The following CHRM3 variants were observed in gnomAD, a reference collection of about 807,000 sequenced individuals.
CHRM3 encodes the protein muscarinic acetylcholine receptor M3.
CHRM3 carries 11 observed loss-of-function variants against 41.8 expected under a neutral mutation model. That is an observed-to-expected ratio of 0.26 (90% CI 0.17 to 0.44). The LOEUF is 0.44. Among genes scored for constraint, CHRM3 ranks in the 20% least tolerant of loss-of-function variants. The pLI is 1.00. For synonymous variants in CHRM3, 297 were observed against 301.4 expected, an observed-to-expected ratio of 0.99 and a Z score of 0.15; for missense variants, 571 against 745.4, an observed-to-expected ratio of 0.77 and a Z score of 2.72.
intron 5 of CHRM3, among the ~76,000 whole-genome samples, chr1:239,687,666 T>C (rs1659276607): frequency 6.6e-6 from 1 of 152,138 alleles, no homozygotes. Context: ...TGCTGCATAA[T>C]GATGCTTCAG....
At chr1:239,454,213 C>T (rs1664761929) in intron 1 of CHRM3, among the ~76,000 whole-genome samples, 1 of 152,166 alleles carries the variant, frequency 6.6e-6, no homozygotes, top group Non-Finnish European at 1.5e-5. Flanking sequence ...CAAGTCTGAG[C>T]TTCTGGAGCT....
chr1:239,840,802 C>G (rs542471777), intron 6 of CHRM3, among the ~76,000 whole-genome samples: 7 of 152,278 alleles, frequency 4.6e-5, no homozygotes, highest in African/African-American at 1.7e-4. Flanking sequence ...GGTGTTTTCT[C>G]TCCAGAATTT....
intron 4 of CHRM3, among the ~76,000 whole-genome samples, chr1:239,639,774 GC>G (rs1670897259): frequency 2.0e-5 from 3 of 149,514 alleles, no homozygotes; most frequent in African/African-American, 7.4e-5. Flanking sequence ...CTGCCTAATT[GC>G]CCTGGCCAGA....
chr1:239,584,438 A>G (rs982546121), intron 3 of CHRM3, among the ~76,000 whole-genome samples: 8 of 152,322 alleles, frequency 5.3e-5, no homozygotes, highest in African/African-American at 1.4e-4. Flanking sequence ...CGGCTGAGAT[A>G]GAAAACAAAG....
At chr1:239,580,702 T>TATATATATATATAC (rs1366394441) in intron 3 of CHRM3, among the ~76,000 whole-genome samples, 2 of 125,792 alleles carry the variant, frequency 1.6e-5, no homozygotes, top group South Asian at 4.9e-4. Context: ...TATATATATA[T>TATATATATATATAC]ATACACACAC....
At chr1:239,834,348 T>C (rs531721894) in intron 6 of CHRM3, among the ~76,000 whole-genome samples, 1 of 131,524 alleles carries the variant, frequency 7.6e-6, no homozygotes, top group East Asian at 2.3e-4. Context: ...AGTCTCACCC[T>C]GTCCCCCAGG....
Position 239,908,450 on chromosome 1 carries a change from C to T in CHRM3, c.999C>T (p.Ser333=), listed in dbSNP as rs1680139875. ...SSEQMDQDHS[S]SDSWNNNDAA... is the part of the protein sequence containing the mutation. The stretch of plus-strand genomic sequence containing the variant: ...AGCAGATGGACCAAGACCACAGCAG[C>T]AGTGACAGTTGGAACAACAATGATG... Residue 333 remains serine (S), a synonymous_variant, in exon 7 of 7, where the codon AGC becomes AGT. Transcript: ENST00000676153. The surrounding 1 kb of genome is among the most constrained non-coding windows in gnomAD (Gnocchi z 7.2). The T allele has an allele frequency of 6.2e-7, 1 of 1,613,618 alleles. No individual in the cohort carries two copies. Among genetic ancestry groups the T allele is most frequent in the Non-Finnish European group, 8.5e-7 (1 of 1,179,850 alleles).
intron 5 of CHRM3, among the ~76,000 whole-genome samples, chr1:239,810,337 A>G (rs1671021468): frequency 6.6e-6 from 1 of 152,174 alleles, no homozygotes; most frequent in Admixed American, 6.5e-5. Context: ...AGAAAGAGCC[A>G]CAGACATAAG....
chr1:239,897,802 A>C (rs1679135038), intron 6 of CHRM3, among the ~76,000 whole-genome samples: 1 of 152,228 alleles, frequency 6.6e-6, no homozygotes, highest in Non-Finnish European at 1.5e-5. Flanking sequence ...TGCTAATGCA[A>C]GGAAACATCA....
At chr1:239,527,867 C>G (rs1357304276) in intron 2 of CHRM3, among the ~76,000 whole-genome samples, 1 of 152,150 alleles carries the variant, frequency 6.6e-6, no homozygotes, top group Non-Finnish European at 1.5e-5. Flanking sequence ...ATTTTAAAAG[C>G]TATTAACTGT....
chr1:239,540,469 A>G (rs1290373431), intron 2 of CHRM3, among the ~76,000 whole-genome samples: 1 of 152,216 alleles, frequency 6.6e-6, no homozygotes, highest in Non-Finnish European at 1.5e-5. Context: ...TACTAAAACA[A>G]CAGTAATTTA....
At chr1:239,482,024 T>C (rs1253095432) in intron 1 of CHRM3, among the ~76,000 whole-genome samples, 1 of 152,200 alleles carries the variant, frequency 6.6e-6, no homozygotes, top group Non-Finnish European at 1.5e-5. Context: ...TGGAAGCATG[T>C]TTCGAAGACA....
intron 5 of CHRM3, among the ~76,000 whole-genome samples, chr1:239,785,530 A>G (rs948050185): frequency 3.3e-5 from 5 of 152,126 alleles, no homozygotes; most frequent in African/African-American, 1.2e-4. Flanking sequence ...CTACAGTCTC[A>G]TTGACTTCTC....
intron 3 of CHRM3, among the ~76,000 whole-genome samples, chr1:239,565,106 C>T (rs987985417): frequency 6.6e-6 from 1 of 152,134 alleles, no homozygotes; most frequent in Non-Finnish European, 1.5e-5. Context: ...GGTCAGATCT[C>T]CCTCTTATGA....
intron 2 of CHRM3, among the ~76,000 whole-genome samples, chr1:239,497,785 T>G (rs1264919104): frequency 1.3e-5 from 2 of 152,108 alleles, no homozygotes; most frequent in African/African-American, 4.8e-5. Context: ...GAAAATTATT[T>G]AAAACAATTA....
rs189945283 is a variant in CHRM3 at position 239,813,152 on chromosome 1, C to T, written c.-146-14100C>T. Among the ~76,000 whole-genome samples, 352 of 152,210 alleles carry T rather than the reference C, an allele frequency of 2.3e-3. 1 individual carries two copies. Among genetic ancestry groups the T allele is most frequent in the African/African-American group, 8.1e-3 (338 of 41,530 alleles). Reference sequence around the variant, plus strand: ...AATTACCCTGACGTGGTGGCGGGTGCCTGTAATCCCAGCTACTTGGGAGGC... The same window carrying T: ...AATTACCCTGACGTGGTGGCGGGTGTCTGTAATCCCAGCTACTTGGGAGGC... On this transcript the variant is annotated intron_variant, in intron 5 of 6. Transcript: ENST00000676153.
Position 239,752,155 on chromosome 1 carries a change from A to T in CHRM3, c.-147+73867A>T, listed in dbSNP as rs111899080. Among the ~76,000 whole-genome samples the T allele has an allele frequency of 1.6e-4, 25 of 152,308 alleles. No homozygotes were observed. The South Asian group carries it at 5.2e-3, about 32-fold the overall frequency. On this transcript the variant is annotated intron_variant, in intron 5 of 6. Transcript: ENST00000676153. ...CATTGCAGCATATGCAAAAGGCAAAAGAATATGGAGGAGCAAATGTGGGGG... is the reference window on the plus strand; with the variant it reads ...CATTGCAGCATATGCAAAAGGCAAATGAATATGGAGGAGCAAATGTGGGGG...
chr1:239,782,361 A>C (rs1668570881), intron 5 of CHRM3, among the ~76,000 whole-genome samples: 1 of 152,128 alleles, frequency 6.6e-6, no homozygotes, highest in South Asian at 2.1e-4. Context: ...TCAAGAAATT[A>C]ATTCCTGCCA....
chr1:239,397,650 C>A (rs1025981614), intron 1 of CHRM3, among the ~76,000 whole-genome samples: 3 of 149,868 alleles, frequency 2.0e-5, no homozygotes, highest in African/African-American at 7.3e-5. Context: ...CCAGCCCGGG[C>A]AACAGAGCGA....
Sources: gnomAD v4.1 joint callset for allele counts (sites outside exome capture counted in the v4.1 genomes callset) on GRCh38, gnomAD v4.1.1 for gene constraint, Gnocchi (gnomAD v3.1) non-coding constraint, MANE v1.5 for transcripts, NCBI Gene and HGNC (gene_info 2026-07-23, HGNC 2026-07-21) for gene names.